RSPH14: variants seen among roughly 807,000 people sequenced by gnomAD.
RSPH14 encodes rhabdoid tumor deletion region gene 1.
RSPH14 carries 20 observed loss-of-function variants against 26.7 expected under a neutral mutation model. The observed-to-expected ratio is 0.75, with a 90% CI of 0.53 to 1.09. RSPH14 has a LOEUF of 1.09. RSPH14 is among the 50% of genes least tolerant of loss of function. The pLI, the probability that RSPH14 is intolerant of heterozygous loss-of-function variation, is 0.00. For missense variants in RSPH14, 449 were observed against 457.2 expected (o/e 0.98, Z 0.16); for synonymous variants, 177 against 189.3 (o/e 0.93, Z 0.53).
intron 6 of RSPH14, among the ~76,000 whole-genome samples, chr22:23,060,955 C>T (rs1266416807): frequency 6.6e-6 from 1 of 152,172 alleles, no homozygotes; most frequent in Admixed American, 6.5e-5. Flanking sequence ...GCTGAGGCTG[C>T]CCCAAGATAA....
chr22:23,095,688 G>A (rs2069103640), intron 4 of RSPH14: 1 of 1,597,734 alleles, frequency 6.3e-7, no homozygotes, highest in South Asian at 1.1e-5. Context: ...GCCCGCTGCT[G>A]CCAGACCATG....
chr22:23,123,515 G>A lies in RSPH14; in HGVS notation c.421+10511C>T. 3.5e-6 allele frequency: 3 copies of A among 846,240 alleles called. No individual in the cohort carries two copies. The South Asian group carries it at 5.0e-5, about 14-fold the overall frequency. The allele number at this position is 846,240 out of a possible 1,614,324, so 52.4% of individuals were successfully genotyped here. A position where few individuals can be genotyped will look rare whatever the true frequency, so the allele number is the denominator to read the frequency against. On this transcript the variant is annotated intron_variant, in intron 4 of 6. Transcript: ENST00000216036. ...CGCGTGCTAGAGAGGCCCAATCCAG[G>A]GGCAGAAAACAGGGGGCCTAAAGAA... is the stretch of plus-strand genomic sequence containing the variant.
intron 4 of RSPH14, among the ~76,000 whole-genome samples, chr22:23,128,225 C>G (rs2146419013): frequency 6.6e-6 from 1 of 152,366 alleles, no homozygotes; most frequent in East Asian, 1.9e-4. Context: ...AGAACTCTCT[C>G]TCCCACAAAA....
chr22:23,129,104 G>C lies in RSPH14; in HGVS notation c.421+4922C>G, dbSNP rs535796868. ...CAGAGCCACTGAAATAGATGCCCTC[G>C]CCACCCCCCAGGCCCCCCACCCAGA... On this transcript the variant is annotated intron_variant, in intron 4 of 6. Transcript: ENST00000216036. Among the ~76,000 whole-genome samples the C allele has an allele frequency of 4.6e-5, 7 of 152,098 alleles. No individual in the cohort carries two copies. In the South Asian group the frequency reaches 1.5e-3, roughly 32 times the overall value.
chr22:23,158,889 A>G, the RSPH14 span: 10 of 1,613,120 alleles, frequency 6.2e-6, no homozygotes, highest in African/African-American at 1.3e-5. Context: ...CTCTCTCCTT[A>G]CACTCCAGGC....
intron 4 of RSPH14, among the ~76,000 whole-genome samples, chr22:23,104,906 G>C (rs752050550): frequency 2.0e-5 from 3 of 152,194 alleles, no homozygotes; most frequent in Non-Finnish European, 4.4e-5. Context: ...GGCATCTCAG[G>C]GGGGACACCC....
chr22:23,081,490 A>G (rs1161697811), intron 4 of RSPH14, among the ~76,000 whole-genome samples: 3 of 152,210 alleles, frequency 2.0e-5, no homozygotes, highest in Non-Finnish European at 4.4e-5. Context: ...AGCCATCAAC[A>G]GTTATTAGAA....
chr22:23,174,276 C>T, the RSPH14 span, among the ~76,000 whole-genome samples: 6 of 150,774 alleles, frequency 4.0e-5, no homozygotes, highest in Admixed American at 6.7e-5. Flanking sequence ...CTGTGGCTCA[C>T]GCCTGTAATC....
chr22:23,168,892 G>T, the RSPH14 span, among the ~76,000 whole-genome samples: 14 of 152,320 alleles, frequency 9.2e-5, no homozygotes, highest in South Asian at 2.9e-3. Flanking sequence ...CCTCTTCCCT[G>T]ACAGGTGGTT....
chr22:23,168,201 C>T, the RSPH14 span, among the ~76,000 whole-genome samples: 1 of 152,174 alleles, frequency 6.6e-6, no homozygotes, highest in Non-Finnish European at 1.5e-5. Context: ...ACAGGTGAGC[C>T]AGGCTTGGCA....
At chr22:23,131,772 T>TTAG in intron 4 of RSPH14, 5 of 517,324 alleles carry the variant, frequency 9.7e-6, no homozygotes, top group South Asian at 1.5e-5. Flanking sequence ...CCCTGGGGCA[T>TTAG]GCATGACTGT....
upstream of RSPH14, chr22:23,145,274 C>T: frequency 7.8e-7 from 1 of 1,285,724 alleles, no homozygotes; most frequent in Non-Finnish European, 1.1e-6. Context: ...CCAGCACCGC[C>T]CTTGTTGTCA....
the RSPH14 span, chr22:23,153,041 A>G: frequency 2.9e-5 from 47 of 1,613,862 alleles, no homozygotes; most frequent in Middle Eastern, 9.9e-4. Context: ...AGGTTTTGCA[A>G]GAATGTTTTT....
chr22:23,060,697 A>G (rs10427809), intron 6 of RSPH14, among the ~76,000 whole-genome samples: 3,387 of 151,976 alleles, frequency 0.022, 118 homozygotes, highest in African/African-American at 0.077. Context: ...TGTCCTTGGG[A>G]TTGATCCCAA....
the RSPH14 span, among the ~76,000 whole-genome samples, chr22:23,165,601 T>G: frequency 1.3e-5 from 2 of 152,214 alleles, no homozygotes; most frequent in Admixed American, 1.3e-4. Context: ...TATTTAGTAC[T>G]ATGTAACAAA....
At chr22:23,111,026 A>AG (rs768570443) in intron 4 of RSPH14, among the ~76,000 whole-genome samples, 1 of 152,138 alleles carries the variant, frequency 6.6e-6, no homozygotes, top group South Asian at 2.1e-4. Context: ...ACTTCGAATG[A>AG]GGGGGTAGGA....
intron 4 of RSPH14, among the ~76,000 whole-genome samples, chr22:23,104,513 C>T (rs1231617866): frequency 1.3e-5 from 2 of 152,224 alleles, no homozygotes; most frequent in African/African-American, 2.4e-5. Flanking sequence ...TAATTAATTT[C>T]CTGAGCGCAT....
chr22:23,114,025 G>C (rs1287491758), intron 4 of RSPH14, among the ~76,000 whole-genome samples: 1 of 152,188 alleles, frequency 6.6e-6, no homozygotes, highest in African/African-American at 2.4e-5. Context: ...GGGGTGAGAG[G>C]CTTGGCCGGT....
At chr22:23,115,589 G>C (rs1327923716) in intron 4 of RSPH14, among the ~76,000 whole-genome samples, 1 of 152,120 alleles carries the variant, frequency 6.6e-6, no homozygotes, top group Non-Finnish European at 1.5e-5. Context: ...GGAAGGTGGG[G>C]TGACCCTGCA....
Sources: allele counts gnomAD v4.1 joint callset (sites outside exome capture counted in the v4.1 genomes callset), GRCh38; gene constraint gnomAD v4.1.1; transcripts MANE v1.5; gene names NCBI Gene and HGNC (gene_info 2026-07-23, HGNC 2026-07-21).